Variants in BMAL2 observed in about 807,000 individuals in gnomAD.
BMAL2 encodes the protein basic helix-loop-helix ARNT like 2, also known as basic helix-loop-helix ARNT-like protein 2.
At chr12:27,395,702 A>G in the BMAL2 span, among the ~76,000 whole-genome samples, 3 of 152,240 alleles carry the variant, frequency 2.0e-5, no homozygotes, top group Non-Finnish European at 4.4e-5. Context: ...TTTGAAATAC[A>G]TGATAATCTT....
the BMAL2 span, among the ~76,000 whole-genome samples, chr12:27,377,192 G>A: frequency 2.0e-5 from 3 of 152,056 alleles, no homozygotes; most frequent in African/African-American, 4.8e-5. Flanking sequence ...GGTTCAACAT[G>A]GCAGTAACTG....
the BMAL2 span, among the ~76,000 whole-genome samples, chr12:27,392,931 G>A: frequency 6.6e-6 from 1 of 151,916 alleles, no homozygotes; most frequent in Non-Finnish European, 1.5e-5. Flanking sequence ...TTCGCCCTCT[G>A]CCCCCTACCC....
At chr12:27,385,984 C>T in the BMAL2 span, among the ~76,000 whole-genome samples, 4 of 152,082 alleles carry the variant, frequency 2.6e-5, no homozygotes, top group Admixed American at 2.6e-4. Context: ...CTGTGCATGG[C>T]TTTTCAGATT....
At chr12:27,342,126 C>T in the BMAL2 span, among the ~76,000 whole-genome samples, 25 of 152,010 alleles carry the variant, frequency 1.6e-4, no homozygotes, top group Admixed American at 1.0e-3. Flanking sequence ...TTAGTAGAGA[C>T]GTGGTTTCAT....
At chr12:27,415,729 T>G in the BMAL2 span, 1 of 641,486 alleles carries the variant, frequency 1.6e-6, no homozygotes, top group Non-Finnish European at 2.7e-6. Flanking sequence ...AGTAAGTCAG[T>G]CTAATTGTGA....
chr12:27,400,445 C>G, the BMAL2 span: 1 of 1,123,596 alleles, frequency 8.9e-7, no homozygotes, highest in Non-Finnish European at 1.2e-6. Context: ...TTTTATAGCA[C>G]AATTATAACT....
chr12:27,380,671 T>C, the BMAL2 span, among the ~76,000 whole-genome samples: 3 of 152,222 alleles, frequency 2.0e-5, no homozygotes, highest in Non-Finnish European at 4.4e-5. Flanking sequence ...ACATATATTA[T>C]GAAGAGAATA....
the BMAL2 span, among the ~76,000 whole-genome samples, chr12:27,352,239 T>C: frequency 0.18 from 27,526 of 152,144 alleles, 3,072 homozygotes; most frequent in East Asian, 0.3. Flanking sequence ...CTGGGAACAT[T>C]ATATACAATG....
At chr12:27,384,646 T>C in the BMAL2 span, among the ~76,000 whole-genome samples, 1 of 152,170 alleles carries the variant, frequency 6.6e-6, no homozygotes, top group Non-Finnish European at 1.5e-5. Context: ...GGCATAGTAC[T>C]TTTTTCCTAT....
the BMAL2 span, chr12:27,401,363 G>A: frequency 2.5e-6 from 4 of 1,610,802 alleles, no homozygotes; most frequent in African/African-American, 4.0e-5. Flanking sequence ...GCACAAAGCA[G>A]GTAGGTATGC....
chr12:27,384,393 T>C, the BMAL2 span, among the ~76,000 whole-genome samples: 1 of 152,216 alleles, frequency 6.6e-6, no homozygotes, highest in Non-Finnish European at 1.5e-5. Flanking sequence ...TTTAAAATAA[T>C]CTGTGTATTA....
chr12:27,405,641 A>G, the BMAL2 span, among the ~76,000 whole-genome samples: 1 of 152,182 alleles, frequency 6.6e-6, no homozygotes. Context: ...AACCACAAAG[A>G]TGGGGAAAAA....
the BMAL2 span, among the ~76,000 whole-genome samples, chr12:27,336,969 A>T: frequency 6.6e-6 from 1 of 150,486 alleles, no homozygotes; most frequent in Non-Finnish European, 1.5e-5. Flanking sequence ...AAAAAAAAAA[A>T]AGTATTTTAA....
At chr12:27,341,125 G>A in the BMAL2 span, among the ~76,000 whole-genome samples, 1 of 152,072 alleles carries the variant, frequency 6.6e-6, no homozygotes, top group Non-Finnish European at 1.5e-5. Context: ...TTGCTCTGGC[G>A]AGGACTTCTA....
chr12:27,408,541 C>A, the BMAL2 span, among the ~76,000 whole-genome samples: 24 of 152,296 alleles, frequency 1.6e-4, no homozygotes, highest in African/African-American at 5.3e-4. Flanking sequence ...CAAAATTCAA[C>A]AACGCTTCAT....
the BMAL2 span, among the ~76,000 whole-genome samples, chr12:27,399,849 G>A: frequency 6.6e-6 from 1 of 151,934 alleles, no homozygotes; most frequent in East Asian, 1.9e-4. Context: ...TTTATTTTTT[G>A]CTTAAGCATG....
At chr12:27,391,377 C>CT in the BMAL2 span, among the ~76,000 whole-genome samples, 5 of 152,192 alleles carry the variant, frequency 3.3e-5, no homozygotes, top group African/African-American at 4.8e-5. Flanking sequence ...TGATTTCATT[C>CT]TTTTTTATGG....
At chr12:27,341,496 G>A in the BMAL2 span, among the ~76,000 whole-genome samples, 64,904 of 152,058 alleles carry the variant, frequency 0.43, 14,080 homozygotes, top group Middle Eastern at 0.51. Context: ...GCTTTTTGAC[G>A]TGCTGCTGGA....
chr12:27,361,347 G>GCT, the BMAL2 span, among the ~76,000 whole-genome samples: 1 of 152,294 alleles, frequency 6.6e-6, no homozygotes, highest in African/African-American at 2.4e-5. Flanking sequence ...GACAGACAGA[G>GCT]TGGAGTGAGA....
Sources: gnomAD v4.1 joint callset for allele counts (sites outside exome capture counted in the v4.1 genomes callset) on GRCh38, gnomAD v4.1.1 for gene constraint, MANE v1.5 for transcripts, NCBI Gene and HGNC (gene_info 2026-07-23, HGNC 2026-07-21) for gene names.